CRACD: variants seen among roughly 807,000 people sequenced by gnomAD.
CRACD encodes capping protein-inhibiting regulator of actin dynamics.
CRACD carries 56 observed loss-of-function variants against 106.8 expected under a neutral mutation model. That is an observed-to-expected ratio of 0.52 (90% CI 0.42 to 0.66). The LOEUF (loss-of-function observed/expected upper bound fraction) is 0.66. Among genes scored for constraint, CRACD ranks in the 30% least tolerant of loss-of-function variants. The pLI is 0.00. For synonymous variants in CRACD, 754 were observed against 670.8 expected (o/e 1.12, Z -1.92); for missense variants, 1,730 against 1,623.2 (o/e 1.07, Z -1.13).
intron 1 of CRACD, among the ~76,000 whole-genome samples, chr4:56,105,673 A>G (rs1284200711): frequency 1.3e-5 from 2 of 152,228 alleles, no homozygotes; most frequent in Non-Finnish European, 2.9e-5. Context: ...CTTTCAATGT[A>G]GCAAACCTAA....
At position 56,106,047 on chromosome 4, in the gene CRACD, T is replaced by A. The variant is rs544026865; in HGVS notation, c.-336+56748T>A. 2.6e-5 allele frequency among the ~76,000 whole-genome samples: 4 copies of A among 152,274 alleles called. No homozygotes were observed. The South Asian group carries it at 8.3e-4, about 32-fold the overall frequency. Reference sequence around the variant, plus strand: ...TGGCTGGGTGTGTATCGAAGTTAACTATGCTGTAGCTTAGTCTCCTGTTGT... The same window carrying A: ...TGGCTGGGTGTGTATCGAAGTTAACAATGCTGTAGCTTAGTCTCCTGTTGT... On this transcript the variant is annotated intron_variant, in intron 1 of 10. Transcript: ENST00000682029.
intron 1 of CRACD, among the ~76,000 whole-genome samples, chr4:56,108,472 C>T (rs569393348): frequency 5.9e-5 from 9 of 152,228 alleles, no homozygotes; most frequent in East Asian, 3.9e-4. Flanking sequence ...ACAAGCCCTA[C>T]GGGGCTTAGC....
chr4:56,298,847 C>A (rs185842366), intron 4 of CRACD, among the ~76,000 whole-genome samples: 2 of 152,202 alleles, frequency 1.3e-5, no homozygotes, highest in East Asian at 3.9e-4. Flanking sequence ...GCAGGAGAAT[C>A]ACTTGAATCC....
intron 2 of CRACD, among the ~76,000 whole-genome samples, chr4:56,254,267 CTG>C (rs1476446095): frequency 6.6e-6 from 1 of 152,180 alleles, no homozygotes; most frequent in Non-Finnish European, 1.5e-5. Context: ...AAGACATAAA[CTG>C]TGTCAGTGCA....
At chr4:56,072,033 C>T (rs1162094574) in intron 1 of CRACD, among the ~76,000 whole-genome samples, 1 of 150,214 alleles carries the variant, frequency 6.7e-6, no homozygotes, top group East Asian at 2.0e-4. Flanking sequence ...GAGGCTGAGG[C>T]AGGAGAATGG....
rs745577518 is a variant in CRACD at position 56,316,192 on chromosome 4, G to A, written c.2690G>A (p.Gly897Asp). The A allele has an allele frequency of 2.5e-6, 4 of 1,614,042 alleles. No homozygotes were observed. Among genetic ancestry groups the A allele is most frequent in the Non-Finnish European group, 1.7e-6 (2 of 1,180,020 alleles). Residue 897 changes from glycine (G) to aspartate (D), a missense_variant, in exon 8 of 11, where the codon GGT (glycine) becomes GAT (aspartate). By Grantham distance (94) the Gly-to-Asp change is moderately conservative (BLOSUM62 -1). Transcript: ENST00000682029. Reference sequence around the variant, plus strand: ...GCTCGTGGAGAGAAAGAGATGGAGGGTGTGGCCCTCAAGCATGGTCCATCC... The same window carrying A: ...GCTCGTGGAGAGAAAGAGATGGAGGATGTGGCCCTCAAGCATGGTCCATCC... ...GSARGEKEME[G>D]VALKHGPSLP...
At chr4:56,190,728 C>G (rs1737332265) in intron 2 of CRACD, among the ~76,000 whole-genome samples, 2 of 152,076 alleles carry the variant, frequency 1.3e-5, no homozygotes, top group Admixed American at 6.5e-5. Context: ...ATGGTGCAAG[C>G]TGTCTGCGGA....
At chr4:56,070,505 T>C (rs1300049525) in intron 1 of CRACD, among the ~76,000 whole-genome samples, 6 of 152,132 alleles carry the variant, frequency 3.9e-5, no homozygotes, top group Non-Finnish European at 8.8e-5. Flanking sequence ...TTCACCGTAG[T>C]CTCAATCTCC....
chr4:56,315,584 T>G lies in CRACD; in HGVS notation c.2082T>G (p.Gly694=). The G allele has an allele frequency of 6.2e-7, 1 of 1,613,982 alleles. No individual in the cohort carries two copies. The highest frequency in any genetic ancestry group is 1.1e-5 in the South Asian group (1 of 91,072). Residue 694 remains glycine, a synonymous_variant, in exon 8 of 11, where the codon GGT becomes GGG. Coordinates refer to ENST00000682029, the MANE Select transcript of CRACD (RefSeq NM_001393381.1). This position sits in a 1 kb window ranked among gnomAD's most constrained non-coding sequence, Gnocchi z 4.1. The part of the protein sequence containing the change: ...RSSERDQLRP[G]DESTPRGRCD... Reference sequence around the variant, plus strand: ...GCGAGAGGGACCAGTTGAGGCCCGGTGATGAGTCCACTCCCAGGGGCCGGT... The same window carrying G: ...GCGAGAGGGACCAGTTGAGGCCCGGGGATGAGTCCACTCCCAGGGGCCGGT...
intron 2 of CRACD, among the ~76,000 whole-genome samples, chr4:56,214,120 TCTA>T (rs1166361353): frequency 6.6e-6 from 1 of 152,160 alleles, no homozygotes; most frequent in Non-Finnish European, 1.5e-5. Flanking sequence ...TTCTCACAGT[TCTA>T]AAGGCTGGAA....
intron 2 of CRACD, among the ~76,000 whole-genome samples, chr4:56,196,843 A>G (rs956088536): frequency 1.3e-5 from 2 of 152,184 alleles, no homozygotes; most frequent in Admixed American, 6.5e-5. Flanking sequence ...AATAGGCACC[A>G]AAATACTTTA....
intron 10 of CRACD, among the ~76,000 whole-genome samples, chr4:56,325,260 A>G (rs897907111): frequency 2.6e-5 from 4 of 152,222 alleles, no homozygotes; most frequent in African/African-American, 7.2e-5. Flanking sequence ...GCTTGAGCCC[A>G]GGAAGTGGAG....
Position 56,309,197 on chromosome 4 carries a change from T to A in CRACD, c.286-1469T>A, listed in dbSNP as rs530384165. ...GGAGCAAGGGGAGGGTAGAGAGAGG[T>A]GCCAAGCCGGATTGTATAGACCATG... is the stretch of plus-strand genomic sequence containing the variant. On this transcript the variant is annotated intron_variant, in intron 5 of 10. Transcript: ENST00000682029. 1.8e-4 allele frequency: 64 copies of A among 353,292 alleles called. 1 individual carries two copies. The highest frequency in any genetic ancestry group is 1.0e-3 in the South Asian group (46 of 45,860). 21.9% of individuals were successfully genotyped at this position (353,292 alleles called of 1,614,324 possible).
chr4:56,199,688 AAAAAAG>A (rs1399191189), intron 2 of CRACD, among the ~76,000 whole-genome samples: 1 of 147,724 alleles, frequency 6.8e-6, no homozygotes, highest in Non-Finnish European at 1.5e-5. Context: ...TCTCAAAAAA[AAAAAAG>A]AAAAGAAAAA....
At position 56,240,383 on chromosome 4, in the gene CRACD, C is replaced by T. The variant is rs116526063; in HGVS notation, c.-188-31938C>T. ...GAACAAATTACACAAAACTCATCAA[C>T]GCTGTTTTCTGTATTGTACATTTTT... On this transcript the variant is annotated intron_variant, in intron 2 of 10. Transcript: ENST00000682029. Among the ~76,000 whole-genome samples the T allele has an allele frequency of 3.9e-3, 587 of 152,158 alleles. 8 individuals carry two copies. The highest frequency in any genetic ancestry group is 0.012 in the African/African-American group (516 of 41,520).
Position 56,280,696 on chromosome 4 carries a change from A to G in CRACD, c.-17+8204A>G, listed in dbSNP as rs75637928. Among the ~76,000 whole-genome samples, 636 of 152,336 alleles carry G rather than the reference A, an allele frequency of 4.2e-3. 4 individuals are homozygous for G. The highest frequency in any genetic ancestry group is 0.023 in the East Asian group (121 of 5,186). ...GACTTTTCCCACTGGACAAGTCAAT[A>G]TTCATCTAATTTGGCCTCCAGTTTC... On this transcript the variant is annotated intron_variant, in intron 3 of 10. Transcript: ENST00000682029.
chr4:56,168,366 C>T (rs1005160538), intron 1 of CRACD, among the ~76,000 whole-genome samples: 11 of 151,710 alleles, frequency 7.3e-5, no homozygotes, highest in South Asian at 2.1e-4. Flanking sequence ...GATTGTGAAC[C>T]GACCTTGCAT....
At chr4:56,282,282 A>T (rs1743080928) in intron 3 of CRACD, among the ~76,000 whole-genome samples, 1 of 152,142 alleles carries the variant, frequency 6.6e-6, no homozygotes, top group African/African-American at 2.4e-5. Flanking sequence ...AAATTACATG[A>T]TTCTTGTCCA....
At chr4:56,322,672 C>T (rs569711934) in intron 8 of CRACD, among the ~76,000 whole-genome samples, 1 of 152,268 alleles carries the variant, frequency 6.6e-6, no homozygotes, top group South Asian at 2.1e-4. Flanking sequence ...CATTGGAGTT[C>T]CACGTAGTAT....
Sources: gnomAD v4.1 joint callset for allele counts (sites outside exome capture counted in the v4.1 genomes callset) on GRCh38, gnomAD v4.1.1 for gene constraint, Gnocchi (gnomAD v3.1) non-coding constraint, MANE v1.5 for transcripts, NCBI Gene and HGNC (gene_info 2026-07-23, HGNC 2026-07-21) for gene names.